MSH3: variants seen among roughly 807,000 people sequenced by gnomAD.
MSH3 encodes the protein mutS homolog 3.
In MSH3, 106 loss-of-function variants were observed where a neutral mutation model predicts 123.3. That is an observed-to-expected ratio of 0.86 (90% CI 0.73 to 1.01). The LOEUF (loss-of-function observed/expected upper bound fraction) is 1.01, where lower values mean the gene tolerates loss of function less well. MSH3 is among the 50% of genes least tolerant of loss of function. MSH3 has a pLI of 0.00. For synonymous variants in MSH3, 515 were observed against 481.4 expected, an observed-to-expected ratio of 1.07 and a Z score of -0.91; for missense variants, 1,459 against 1,347.6, an observed-to-expected ratio of 1.08 and a Z score of -1.29.
At chr5:80,804,508 A>C (rs1367868028) in intron 19 of MSH3, among the ~76,000 whole-genome samples, 1 of 152,258 alleles carries the variant, frequency 6.6e-6, no homozygotes, top group Non-Finnish European at 1.5e-5. Context: ...CAAGTCCAGT[A>C]ATACTGTAGC....
intron 15 of MSH3, among the ~76,000 whole-genome samples, chr5:80,769,909 A>T (rs1022139739): frequency 2.0e-5 from 3 of 152,128 alleles, no homozygotes; most frequent in African/African-American, 7.2e-5. Context: ...TTAATTGAGA[A>T]TGTTCATTAA....
intron 20 of MSH3, among the ~76,000 whole-genome samples, chr5:80,847,523 C>T (rs181955433): frequency 2.2e-3 from 336 of 152,154 alleles, no homozygotes; most frequent in Admixed American, 6.2e-3. Flanking sequence ...AAATTGCTCC[C>T]GTTATCTTCC....
intron 9 of MSH3, among the ~76,000 whole-genome samples, chr5:80,728,515 G>A (rs1334564492): frequency 3.3e-5 from 5 of 151,922 alleles, no homozygotes; most frequent in African/African-American, 1.2e-4. Flanking sequence ...GTCACCTTCT[G>A]GTACACACAT....
chr5:80,719,648 G>A (rs1287527088), intron 8 of MSH3, among the ~76,000 whole-genome samples: 1 of 152,090 alleles, frequency 6.6e-6, no homozygotes, highest in African/African-American at 2.4e-5. Context: ...GCATTTAAAG[G>A]TCTTACGTTT....
intron 17 of MSH3, among the ~76,000 whole-genome samples, chr5:80,782,353 C>CT (rs59269907): frequency 1.3e-5 from 2 of 151,970 alleles, no homozygotes; most frequent in African/African-American, 4.8e-5. Context: ...CACATACAGG[C>CT]TTTTTTTTTC....
chr5:80,842,775 A>G (rs566925990), intron 20 of MSH3, among the ~76,000 whole-genome samples: 1 of 152,182 alleles, frequency 6.6e-6, no homozygotes, highest in Non-Finnish European at 1.5e-5. Flanking sequence ...ACTTTGCTGA[A>G]GTTGCTTATC....
intron 19 of MSH3, among the ~76,000 whole-genome samples, chr5:80,809,162 CTTAA>C (rs1744962656): frequency 6.6e-6 from 1 of 151,562 alleles, no homozygotes; most frequent in Non-Finnish European, 1.5e-5. Context: ...TATATATTTT[CTTAA>C]TTGTTTTAAA....
chr5:80,710,028 C>T (rs1222061391), intron 8 of MSH3, among the ~76,000 whole-genome samples: 1 of 152,156 alleles, frequency 6.6e-6, no homozygotes, highest in African/African-American at 2.4e-5. Context: ...TAAAGCTGTC[C>T]CACTTCTTTT....
intron 21 of MSH3, among the ~76,000 whole-genome samples, chr5:80,859,571 A>G (rs1340809729): frequency 6.6e-6 from 1 of 152,168 alleles, no homozygotes; most frequent in Non-Finnish European, 1.5e-5. Flanking sequence ...CAAAGTGATT[A>G]TTGATAGAGT....
intron 20 of MSH3, among the ~76,000 whole-genome samples, chr5:80,846,583 C>T (rs1028969420): frequency 3.3e-5 from 5 of 152,152 alleles, no homozygotes; most frequent in African/African-American, 1.2e-4. Flanking sequence ...TTCCAGGCCA[C>T]TTTGTTTACA....
intron 13 of MSH3, among the ~76,000 whole-genome samples, chr5:80,762,445 G>A (rs183626825): frequency 1.3e-5 from 2 of 151,472 alleles, no homozygotes; most frequent in African/African-American, 4.8e-5. Context: ...ATATATATAT[G>A]TATATATATA....
At chr5:80,761,344 C>T (rs1360624418) in intron 12 of MSH3, among the ~76,000 whole-genome samples, 1 of 152,140 alleles carries the variant, frequency 6.6e-6, no homozygotes, top group Non-Finnish European at 1.5e-5. Flanking sequence ...TGTGTCTCCA[C>T]CCCAGTGCAC....
At chr5:80,786,132 TA>T (rs756166614) in intron 17 of MSH3, among the ~76,000 whole-genome samples, 62 of 151,886 alleles carry the variant, frequency 4.1e-4, no homozygotes, top group Non-Finnish European at 7.8e-4. Context: ...CCCTAAAACT[TA>T]AAGTATAATA....
intron 19 of MSH3, among the ~76,000 whole-genome samples, chr5:80,808,858 CAT>C (rs747818551): frequency 0.039 from 2,586 of 66,082 alleles, 122 homozygotes; most frequent in African/African-American, 0.13. Flanking sequence ...ATATCTTCTT[CAT>C]ATATATATAT....
Position 80,665,593 on chromosome 5 carries a change from C to T in MSH3, c.579+230C>T, listed in dbSNP as rs41562817. On this transcript the variant is annotated intron_variant, in intron 3 of 23. Transcript: ENST00000265081. ...TGTATGGGAACAAAACAAAAGCCTTCCAGGTAATTCTGAGGTATTGCCTGG... is the reference window on the plus strand; with the variant it reads ...TGTATGGGAACAAAACAAAAGCCTTTCAGGTAATTCTGAGGTATTGCCTGG... 4.5e-3 allele frequency among the ~76,000 whole-genome samples: 684 copies of T among 152,236 alleles called. 15 individuals are homozygous for T. Among genetic ancestry groups the T allele is most frequent in the Non-Finnish European group, 2.6e-3 (179 of 68,012 alleles).
rs1361010123 is a variant in MSH3 at position 80,744,087 on chromosome 5, C to G, written c.1654-419C>G. Among the ~76,000 whole-genome samples the G allele has an allele frequency of 2.6e-5, 4 of 152,174 alleles. No homozygotes were observed. The South Asian group carries it at 8.3e-4, about 32-fold the overall frequency. ...CTGGGTAAATACCTAGAGTGCAGTG[C>G]AAGTTCATGTCTATCTCCAGCACCT... On this transcript the variant is annotated intron_variant, in intron 11 of 23. Coordinates refer to ENST00000265081, the MANE Select transcript of MSH3 (RefSeq NM_002439.5).
intron 20 of MSH3, among the ~76,000 whole-genome samples, chr5:80,817,130 T>G (rs1164332405): frequency 6.6e-6 from 1 of 152,140 alleles, no homozygotes; most frequent in Non-Finnish European, 1.5e-5. Context: ...GAGTAAGAAG[T>G]TAAGGTTGAA....
intron 13 of MSH3, among the ~76,000 whole-genome samples, chr5:80,762,593 A>G (rs1466934688): frequency 2.0e-5 from 3 of 151,402 alleles, no homozygotes; most frequent in Non-Finnish European, 4.4e-5. Context: ...GGATGCTATC[A>G]TGTTTGATGT....
chr5:80,762,421 A>G (rs192072212), intron 13 of MSH3, among the ~76,000 whole-genome samples: 1 of 151,876 alleles, frequency 6.6e-6, no homozygotes, highest in African/African-American at 2.4e-5. Context: ...ATCTAATGCT[A>G]TATATGTGTG....
Sources: allele counts gnomAD v4.1 joint callset (sites outside exome capture counted in the v4.1 genomes callset), GRCh38; gene constraint gnomAD v4.1.1; transcripts MANE v1.5; gene names NCBI Gene and HGNC (gene_info 2026-07-23, HGNC 2026-07-21).